The following MECOM variants were observed in gnomAD, a reference collection of about 807,000 sequenced individuals.
The protein encoded by MECOM is histone-lysine N-methyltransferase MECOM.
A neutral mutation model predicts 116.3 loss-of-function variants in MECOM; 13 were observed. The observed-to-expected ratio is 0.11, with a 90% CI of 0.07 to 0.18. The LOEUF (loss-of-function observed/expected upper bound fraction) is 0.18, where lower values mean the gene tolerates loss of function less well. Among genes scored for constraint, MECOM ranks in the 10% least tolerant of loss-of-function variants. The probability of loss-of-function intolerance (pLI) is 1.00; values close to 1 mark genes in which losing one functional copy is unlikely to be tolerated. For missense variants in MECOM, 1,299 were observed against 1,509.0 expected, an observed-to-expected ratio of 0.86 and a Z score of 2.31; for synonymous variants, 528 against 535.2, an observed-to-expected ratio of 0.99 and a Z score of 0.19.
intron 2 of MECOM, among the ~76,000 whole-genome samples, chr3:169,333,304 AG>A (rs1314727941): frequency 1.3e-5 from 2 of 152,214 alleles, no homozygotes; most frequent in Non-Finnish European, 2.9e-5. Flanking sequence ...ACCATGTCAA[AG>A]CTGCAAATAG....
intron 2 of MECOM, among the ~76,000 whole-genome samples, chr3:169,345,263 A>G (rs946080275): frequency 6.6e-6 from 1 of 152,074 alleles, no homozygotes; most frequent in African/African-American, 2.4e-5. Flanking sequence ...CAAATATACG[A>G]TAAAAGACAG....
chr3:169,621,858 G>C (rs537014066), intron 1 of MECOM, among the ~76,000 whole-genome samples: 4 of 152,300 alleles, frequency 2.6e-5, no homozygotes, highest in African/African-American at 9.6e-5. Context: ...TGTAGTGCTA[G>C]CTCTGCACTG....
intron 12 of MECOM, 74 bp from the exon 13 acceptor site, chr3:169,095,319 C>CA: frequency 1.6e-6 from 2 of 1,257,110 alleles, no homozygotes; most frequent in Non-Finnish European, 2.2e-6. Flanking sequence ...AGCCAGCTAT[C>CA]AAAAATCATC....
chr3:169,577,463 G>A (rs1329137602), intron 1 of MECOM, among the ~76,000 whole-genome samples: 3 of 122,760 alleles, frequency 2.4e-5, no homozygotes, highest in Non-Finnish European at 3.4e-5. Flanking sequence ...CTAAAACCCC[G>A]AAAAGTTGCC....
intron 1 of MECOM, among the ~76,000 whole-genome samples, chr3:169,608,957 C>T (rs556937510): frequency 5.3e-5 from 8 of 152,180 alleles, no homozygotes; most frequent in African/African-American, 1.7e-4. Context: ...ATCTGAGACG[C>T]GTGATGGGAT....
chr3:169,196,010 T>C (rs931074220), intron 2 of MECOM, among the ~76,000 whole-genome samples: 9 of 152,060 alleles, frequency 5.9e-5, no homozygotes, highest in African/African-American at 2.2e-4. Context: ...TGGCTAAACT[T>C]TGGACTTAGC....
At chr3:169,197,964 C>T (rs933899472) in intron 2 of MECOM, among the ~76,000 whole-genome samples, 5 of 151,954 alleles carry the variant, frequency 3.3e-5, no homozygotes, top group African/African-American at 9.7e-5. Context: ...AGAACATCTC[C>T]GTGTGGTTGG....
At chr3:169,133,822 T>A (rs796126639) in intron 3 of MECOM, 1 of 832,622 alleles carries the variant, frequency 1.2e-6, no homozygotes, top group Admixed American at 2.9e-5. Context: ...CCCTAAACTT[T>A]CCAGTTAAAT....
At chr3:169,352,014 T>C (rs192089139) in intron 2 of MECOM, among the ~76,000 whole-genome samples, 102 of 151,936 alleles carry the variant, frequency 6.7e-4, no homozygotes, top group Non-Finnish European at 7.4e-4. Flanking sequence ...TGACCTCTTA[T>C]TTAGGAAGGA....
intron 1 of MECOM, among the ~76,000 whole-genome samples, chr3:169,558,823 A>G (rs1762319584): frequency 6.6e-6 from 1 of 152,176 alleles, no homozygotes; most frequent in Admixed American, 6.6e-5. Context: ...ATCATCGGTC[A>G]GAAGTATTCA....
intron 1 of MECOM, among the ~76,000 whole-genome samples, chr3:169,472,559 AGAGGAGAGGAGAGGAGAGGAGAGG>A (rs1560318344): frequency 0.089 from 5,636 of 63,386 alleles, 684 homozygotes; most frequent in African/African-American, 0.25. Context: ...AAAAGAAAAG[AGAGGAGAGGAGAGGAGAGGAGAGG>A]AAAGGAAAGG....
At chr3:169,541,435 C>G (rs1190550690) in intron 1 of MECOM, among the ~76,000 whole-genome samples, 1 of 152,192 alleles carries the variant, frequency 6.6e-6, no homozygotes, top group Non-Finnish European at 1.5e-5. Context: ...GAAAGCCCAC[C>G]CTTAGCTCTC....
intron 1 of MECOM, among the ~76,000 whole-genome samples, chr3:169,551,070 G>C (rs937803297): frequency 1.1e-5 from 1 of 94,848 alleles, no homozygotes; most frequent in Non-Finnish European, 2.3e-5. Context: ...TGATCCGCCC[G>C]CCTCGGCCTC....
rs553816438 is a variant in MECOM at position 169,305,175 on chromosome 3, T to C, written c.375+76012A>G. ...ACCGCATTTTTATAGGTTTATTTAT[T>C]GTGGTAGTTACAGTACACTCTGAGA... On this transcript the variant is annotated intron_variant, in intron 2 of 16. Transcript: ENST00000651503. 2.6e-5 allele frequency among the ~76,000 whole-genome samples: 4 copies of C among 152,320 alleles called. No homozygotes were observed. In the South Asian group the frequency reaches 8.3e-4, roughly 32 times the overall value.
intron 2 of MECOM, among the ~76,000 whole-genome samples, chr3:169,214,381 G>A (rs1445557209): frequency 6.7e-6 from 1 of 150,174 alleles, no homozygotes; most frequent in African/African-American, 2.4e-5. Context: ...TATTTGAAGG[G>A]ACACACTGAT....
chr3:169,659,536 C>T (rs1336495221), intron 1 of MECOM, among the ~76,000 whole-genome samples: 1 of 137,988 alleles, frequency 7.2e-6, no homozygotes, highest in Non-Finnish European at 1.5e-5. Flanking sequence ...ATAAAGAAGC[C>T]CTAAGCCCGG....
intron 2 of MECOM, among the ~76,000 whole-genome samples, chr3:169,239,062 A>G (rs1184502311): frequency 6.6e-6 from 1 of 152,154 alleles, no homozygotes; most frequent in Non-Finnish European, 1.5e-5. Context: ...GGGTTCCAAA[A>G]TACTTAAAGA....
intron 1 of MECOM, among the ~76,000 whole-genome samples, chr3:169,605,755 C>T (rs945585423): frequency 8.5e-5 from 13 of 152,180 alleles, no homozygotes; most frequent in Non-Finnish European, 1.9e-4. Context: ...CCCTATGTGT[C>T]TTTTCCCAGA....
At chr3:169,273,300 A>G (rs915771257) in intron 2 of MECOM, among the ~76,000 whole-genome samples, 1 of 152,224 alleles carries the variant, frequency 6.6e-6, no homozygotes, top group East Asian at 1.9e-4. Flanking sequence ...TCACAGAGAT[A>G]GATTAAAAAG....
Sources: allele counts gnomAD v4.1 joint callset (sites outside exome capture counted in the v4.1 genomes callset), GRCh38; gene constraint gnomAD v4.1.1; transcripts MANE v1.5; gene names NCBI Gene and HGNC (gene_info 2026-07-23, HGNC 2026-07-21).